ITGA4: variants seen among roughly 807,000 people sequenced by gnomAD.
ITGA4 encodes the protein integrin alpha-4.
ITGA4 carries 63 observed loss-of-function variants against 133.6 expected under a neutral mutation model. The observed-to-expected ratio is 0.47, with a 90% confidence interval of 0.38 to 0.58. The LOEUF (loss-of-function observed/expected upper bound fraction) is 0.58. Ranked by LOEUF, ITGA4 falls within the 20% of genes least tolerant of loss-of-function variation. ITGA4 has a pLI of 0.00. For synonymous variants in ITGA4, 483 were observed against 438.0 expected, an observed-to-expected ratio of 1.10 and a Z score of -1.28; for missense variants, 1,076 against 1,252.7, an observed-to-expected ratio of 0.86 and a Z score of 2.13.
intron 4 of ITGA4, among the ~76,000 whole-genome samples, chr2:181,478,414 T>C: frequency 6.6e-6 from 1 of 152,086 alleles, no homozygotes; most frequent in Non-Finnish European, 1.5e-5. Flanking sequence ...TATACGCATA[T>C]CAAACCTGAT....
At chr2:181,511,332 G>A (rs896578564) in intron 16 of ITGA4, among the ~76,000 whole-genome samples, 3 of 152,002 alleles carry the variant, frequency 2.0e-5, no homozygotes, top group Admixed American at 6.6e-5. Flanking sequence ...ATACTTACAC[G>A]TAATAAATGG....
At chr2:181,473,760 A>G (rs1559039464) in intron 2 of ITGA4, among the ~76,000 whole-genome samples, 1 of 152,198 alleles carries the variant, frequency 6.6e-6, no homozygotes, top group Non-Finnish European at 1.5e-5. Flanking sequence ...TTGAGGCAAG[A>G]GTTCAAGACC....
At chr2:181,485,480 C>G (rs1242686850) in intron 9 of ITGA4, among the ~76,000 whole-genome samples, 1 of 152,040 alleles carries the variant, frequency 6.6e-6, no homozygotes, top group Non-Finnish European at 1.5e-5. Context: ...TAAGCCTTCC[C>G]TATAACTGTG....
Position 181,457,518 on chromosome 2 carries a change from T to G in ITGA4, c.-137T>G. ...CCGACTTCCCCTCCTCTTCCCTCTC[T>G]CCTTCCTTTAGCCCGCTGGCGCCGG... On this transcript the variant is annotated 5_prime_UTR_variant, in exon 1 of 28. Transcript: ENST00000397033. 1 of 811,732 alleles carries G rather than the reference T, an allele frequency of 1.2e-6. No individual in the cohort carries two copies. Among genetic ancestry groups the G allele is most frequent in the Non-Finnish European group, 1.9e-6 (1 of 530,314 alleles). The allele number at this position is 811,732 out of a possible 1,614,324, so 50.3% of individuals were successfully genotyped here.
In ITGA4 at chr2:181,459,839, T is replaced by C. The variant is rs1685223127; in HGVS notation, c.319+1522T>C. Among the ~76,000 whole-genome samples, 5 of 152,342 alleles carry C rather than the reference T, an allele frequency of 3.3e-5. No individual in the cohort carries two copies. The South Asian group carries it at 1.0e-3, about 32-fold the overall frequency. On this transcript the variant is annotated intron_variant, in intron 2 of 27. Transcript: ENST00000397033. ...GTCATAGTTTCCTGATCCATGACAT[T>C]ATAACTACTGATATTTAGTGCCTAC...
rs200420283 is a variant in ITGA4, at chr2:181,537,574, T to A, written c.*2047T>A. 2.3e-6 allele frequency: 1 copy of A among 432,368 alleles called. No homozygotes were observed. Among genetic ancestry groups the A allele is most frequent in the African/African-American group, 2.0e-5 (1 of 48,852 alleles). 26.8% of individuals were successfully genotyped at this position (432,368 alleles called of 1,614,324 possible). On this transcript the variant is annotated 3_prime_UTR_variant, in exon 28 of 28. Coordinates refer to ENST00000397033, the MANE Select transcript of ITGA4 (RefSeq NM_000885.6). ...GGAGCAGTGAATCAAGGCAGACTTATGAAATCTGTATTATATTTGTAACAG... is the reference window on the plus strand; with the variant it reads ...GGAGCAGTGAATCAAGGCAGACTTAAGAAATCTGTATTATATTTGTAACAG...
chr2:181,495,008 T>C lies in ITGA4; in HGVS notation c.1339+196T>C, dbSNP rs540015124. On this transcript the variant is annotated intron_variant, in intron 12 of 27. Coordinates refer to ENST00000397033, the MANE Select transcript of ITGA4 (RefSeq NM_000885.6). The surrounding 1 kb of genome is among the most constrained non-coding windows in gnomAD (Gnocchi z 4.3). ...CAGCTTAACAGTGCTAGTTACACAA[T>C]GTTATAGTCTGTGTTTTTGAAAACA... 2.6e-4 allele frequency among the ~76,000 whole-genome samples: 40 copies of C among 152,278 alleles called. No homozygotes were observed. The highest frequency in any genetic ancestry group is 9.4e-4 in the African/African-American group (39 of 41,576).
chr2:181,511,377 C>A (rs1559052098), intron 16 of ITGA4, among the ~76,000 whole-genome samples: 1 of 152,002 alleles, frequency 6.6e-6, no homozygotes, highest in Non-Finnish European at 1.5e-5. Flanking sequence ...TGAGAGGAAC[C>A]CAATGAAAAA....
intron 16 of ITGA4, among the ~76,000 whole-genome samples, chr2:181,510,346 A>T (rs1686484064): frequency 6.6e-6 from 1 of 152,144 alleles, no homozygotes; most frequent in Admixed American, 6.6e-5. Flanking sequence ...TGCATTTGAG[A>T]TGGATCCTAC....
chr2:181,530,280 C>T (rs1293381340), intron 23 of ITGA4, among the ~76,000 whole-genome samples: 2 of 152,300 alleles, frequency 1.3e-5, no homozygotes, highest in East Asian at 3.9e-4. Flanking sequence ...CACATTTCTG[C>T]AAGGTTAAGG....
chr2:181,465,159 C>T (rs948323017), intron 2 of ITGA4, among the ~76,000 whole-genome samples: 1 of 152,110 alleles, frequency 6.6e-6, no homozygotes, highest in African/African-American at 2.4e-5. Context: ...TACCTCACCA[C>T]AATACCAGTC....
chr2:181,480,091 TG>T, intron 5 of ITGA4, 45 bp from the exon 6 acceptor site: 1 of 1,419,428 alleles, frequency 7.0e-7, no homozygotes, highest in East Asian at 2.5e-5. Flanking sequence ...AGGTTTGGGG[TG>T]GTGAGATTAA....
intron 2 of ITGA4, among the ~76,000 whole-genome samples, chr2:181,469,313 G>A (rs1017667911): frequency 6.6e-6 from 1 of 152,176 alleles, no homozygotes; most frequent in Non-Finnish European, 1.5e-5. Context: ...ATAACCATCT[G>A]TTAATACATC....
In ITGA4 at chr2:181,535,480, A is replaced by G. The variant is rs200741283; in HGVS notation, c.3052A>G (p.Arg1018Gly). 76 of 1,609,810 alleles carry G rather than the reference A, an allele frequency of 4.7e-5. No individual in the cohort carries two copies. Among genetic ancestry groups the G allele is most frequent in the Non-Finnish European group, 6.3e-5 (74 of 1,177,852 alleles). The change falls in exon 28 of 28, where the codon AGA (arginine) becomes GGA (glycine). Residue 1018 changes from arginine to glycine, a missense_variant. This residue lies in a region of ITGA4 where 193 missense variants were observed against 172.3 expected (regional missense o/e 1.12). Coordinates refer to ENST00000397033, the MANE Select transcript of ITGA4 (RefSeq NM_000885.6). ...QYKSILQEEN[R>G]RDSWSYINSK... ...CAAATCTATCCTACAAGAAGAAAAC[A>G]GAAGAGACAGTTGGAGTTATATCAA...
At chr2:181,514,378 G>A (rs1323343411) in intron 17 of ITGA4, among the ~76,000 whole-genome samples, 1 of 152,026 alleles carries the variant, frequency 6.6e-6, no homozygotes, top group Non-Finnish European at 1.5e-5. Context: ...TTTTCACTTA[G>A]GCAATGTCAG....
chr2:181,522,168 AAAT>A lies in ITGA4; in HGVS notation c.1923-18_1923-16del. On this transcript the variant is annotated intron_variant, in intron 17 of 27. Transcript: ENST00000397033. ...GATTTTTATTTCCTAAACAAGAACT[AAAT>A]AATATTACTTAATTTTTAGGCCCCA... The A allele has an allele frequency of 2.0e-6, 3 of 1,467,568 alleles. No individual in the cohort carries two copies. The highest frequency in any genetic ancestry group is 2.8e-6 in the Non-Finnish European group (3 of 1,062,456). 90.9% of individuals were successfully genotyped at this position (1,467,568 alleles called of 1,614,324 possible). A position where few individuals can be genotyped will look rare whatever the true frequency, so the allele number is the denominator to read the frequency against.
chr2:181,501,295 G>T (rs1383380897), intron 15 of ITGA4, among the ~76,000 whole-genome samples: 3 of 152,122 alleles, frequency 2.0e-5, no homozygotes, highest in Admixed American at 2.0e-4. Flanking sequence ...GAGTCAAAAG[G>T]CCTCAAGAAT....
chr2:181,489,935 CAA>C (rs1295259895), intron 10 of ITGA4, among the ~76,000 whole-genome samples: 1 of 152,136 alleles, frequency 6.6e-6, no homozygotes, highest in Non-Finnish European at 1.5e-5. Flanking sequence ...ACTCCTGTCT[CAA>C]GAGCCGAGCT....
Position 181,538,410 on chromosome 2 carries a change from A to G in ITGA4, c.*2883A>G, listed in dbSNP as rs763972005. On this transcript the variant is annotated 3_prime_UTR_variant, in exon 28 of 28. Coordinates refer to ENST00000397033, the MANE Select transcript of ITGA4 (RefSeq NM_000885.6). ...GAGAAGGTCTGATTGATAAATCATCAACAACAATAATTGCTCTAAAACCTC... is the reference window on the plus strand; with the variant it reads ...GAGAAGGTCTGATTGATAAATCATCGACAACAATAATTGCTCTAAAACCTC... 5.3e-5 allele frequency among the ~76,000 whole-genome samples: 8 copies of G among 152,158 alleles called. No individual in the cohort carries two copies. The highest frequency in any genetic ancestry group is 7.4e-5 in the Non-Finnish European group (5 of 68,018).
Sources: allele counts gnomAD v4.1 joint callset (sites outside exome capture counted in the v4.1 genomes callset), GRCh38; gene constraint gnomAD v4.1.1; regional missense constraint gnomAD v4.1.1; non-coding constraint Gnocchi (gnomAD v3.1); transcripts MANE v1.5; gene names NCBI Gene and HGNC (gene_info 2026-07-23, HGNC 2026-07-21).